The following DLGAP1 variants were observed in gnomAD, a reference collection of about 807,000 sequenced individuals.
The protein encoded by DLGAP1 is DLG associated protein 1.
A neutral mutation model predicts 90.8 loss-of-function variants in DLGAP1; 11 were observed. The ratio of observed to expected loss-of-function variants is 0.12; its 90% CI spans 0.08 to 0.20. The LOEUF (loss-of-function observed/expected upper bound fraction) is 0.20. Ranked by LOEUF, DLGAP1 falls within the 10% of genes least tolerant of loss-of-function variation. The pLI is 1.00. For missense variants in DLGAP1, 1,050 were observed against 1,333.8 expected (o/e 0.79, Z 3.31); for synonymous variants, 558 against 540.7 (o/e 1.03, Z -0.44).
At chr18:3,671,136 A>G (rs1490633891) in intron 7 of DLGAP1, among the ~76,000 whole-genome samples, 1 of 145,944 alleles carries the variant, frequency 6.9e-6, no homozygotes, top group Non-Finnish European at 1.5e-5. Context: ...TCTTTTAATT[A>G]CTCAAAATTT....
At chr18:3,762,655 T>C (rs1337854211) in intron 5 of DLGAP1, among the ~76,000 whole-genome samples, 1 of 152,216 alleles carries the variant, frequency 6.6e-6, no homozygotes, top group Non-Finnish European at 1.5e-5. Context: ...GCTCTATGTC[T>C]ATCTGAACTC....
At chr18:4,276,081 T>C (rs2079405829) in intron 1 of DLGAP1, among the ~76,000 whole-genome samples, 1 of 137,044 alleles carries the variant, frequency 7.3e-6, no homozygotes, top group African/African-American at 2.8e-5. Flanking sequence ...AAAGACCTTA[T>C]GGGCTGAATG....
intron 1 of DLGAP1, among the ~76,000 whole-genome samples, chr18:4,182,178 C>T (rs9959575): frequency 0.013 from 1,951 of 152,176 alleles, 34 homozygotes; most frequent in African/African-American, 0.044. Context: ...AACCAGAATA[C>T]GCTACACCCA....
intron 1 of DLGAP1, among the ~76,000 whole-genome samples, chr18:4,178,253 A>T (rs1348629512): frequency 7.3e-6 from 1 of 137,074 alleles, no homozygotes; most frequent in Non-Finnish European, 1.6e-5. Context: ...ACACACACAC[A>T]CATTAGAGAT....
At chr18:4,275,155 T>C (rs936279953) in intron 1 of DLGAP1, 1 of 152,210 alleles carries the variant, frequency 6.6e-6, no homozygotes, top group African/African-American at 2.4e-5. Context: ...ATACTTTTCA[T>C]TATTTCCATT....
chr18:3,907,819 C>T (rs1332280202), intron 3 of DLGAP1, among the ~76,000 whole-genome samples: 1 of 152,124 alleles, frequency 6.6e-6, no homozygotes. Flanking sequence ...CAGAGGCCAG[C>T]GAGGCCAGGC....
chr18:4,321,269 T>C (rs978122384), intron 1 of DLGAP1, among the ~76,000 whole-genome samples: 2 of 152,210 alleles, frequency 1.3e-5, no homozygotes, highest in African/African-American at 4.8e-5. Flanking sequence ...CAATCTGACT[T>C]AGCCATAAAA....
At chr18:3,951,623 T>C (rs1316433251) in intron 3 of DLGAP1, among the ~76,000 whole-genome samples, 10 of 152,194 alleles carry the variant, frequency 6.6e-5, no homozygotes, top group African/African-American at 2.2e-4. Context: ...TTTATCTAAA[T>C]CTCATCTTGA....
At chr18:3,870,447 C>G (rs1274150169) in intron 4 of DLGAP1, among the ~76,000 whole-genome samples, 1 of 152,142 alleles carries the variant, frequency 6.6e-6, no homozygotes, top group Non-Finnish European at 1.5e-5. Flanking sequence ...GGGGCAATAA[C>G]TAAGAGATTA....
chr18:4,230,120 G>T (rs1167083218), intron 1 of DLGAP1, among the ~76,000 whole-genome samples: 1 of 151,998 alleles, frequency 6.6e-6, no homozygotes, highest in Non-Finnish European at 1.5e-5. Context: ...TTATCTAAAA[G>T]ACAGACAATA....
chr18:3,673,069 T>C (rs1409647253), intron 7 of DLGAP1, among the ~76,000 whole-genome samples: 1 of 152,244 alleles, frequency 6.6e-6, no homozygotes, highest in Non-Finnish European at 1.5e-5. Context: ...AAGGTCTATC[T>C]TAGTCTAGAT....
chr18:3,927,648 T>C (rs1169792079), intron 3 of DLGAP1, among the ~76,000 whole-genome samples: 1 of 152,240 alleles, frequency 6.6e-6, no homozygotes, highest in Non-Finnish European at 1.5e-5. Context: ...CAGAAACCTA[T>C]ATCTGCTAGT....
At chr18:3,671,328 T>C (rs771830387) in intron 7 of DLGAP1, among the ~76,000 whole-genome samples, 3 of 152,168 alleles carry the variant, frequency 2.0e-5, no homozygotes, top group Non-Finnish European at 2.9e-5. Context: ...GTAGCAACTG[T>C]AAACATTTTA....
At chr18:4,002,394 C>T (rs142716801) in intron 3 of DLGAP1, among the ~76,000 whole-genome samples, 185 of 151,660 alleles carry the variant, frequency 1.2e-3, no homozygotes, top group African/African-American at 4.0e-3. Context: ...TGCCTCTCCC[C>T]GGCTGCTGCC....
At chr18:3,600,271 G>A (rs959399216) in intron 7 of DLGAP1, among the ~76,000 whole-genome samples, 1 of 151,734 alleles carries the variant, frequency 6.6e-6, no homozygotes, top group Non-Finnish European at 1.5e-5. Context: ...TTTTTTATGA[G>A]ACGGAGTTTC....
intron 1 of DLGAP1, among the ~76,000 whole-genome samples, chr18:4,323,122 C>T (rs769058243): frequency 4.2e-4 from 64 of 151,954 alleles, no homozygotes; most frequent in African/African-American, 1.9e-4. Context: ...GATTAAAAAG[C>T]GAGCAAAGGA....
At chr18:3,946,015 T>C (rs190655569) in intron 3 of DLGAP1, among the ~76,000 whole-genome samples, 3 of 152,340 alleles carry the variant, frequency 2.0e-5, no homozygotes, top group Non-Finnish European at 1.5e-5. Context: ...TGAATTTTAA[T>C]AATGCTTAAT....
intron 2 of DLGAP1, among the ~76,000 whole-genome samples, chr18:4,023,482 T>C (rs1250040498): frequency 6.6e-6 from 1 of 152,222 alleles, no homozygotes; most frequent in Non-Finnish European, 1.5e-5. Flanking sequence ...ATTCGCATTC[T>C]TGTACTTTCT....
intron 4 of DLGAP1, among the ~76,000 whole-genome samples, chr18:3,846,651 G>A (rs1389271936): frequency 6.6e-6 from 1 of 152,150 alleles, no homozygotes; most frequent in East Asian, 1.9e-4. Context: ...CTATAACATG[G>A]ATAAATCTTA....
Sources: gnomAD v4.1 joint callset for allele counts (sites outside exome capture counted in the v4.1 genomes callset) on GRCh38, gnomAD v4.1.1 for gene constraint, MANE v1.5 for transcripts, NCBI Gene and HGNC (gene_info 2026-07-23, HGNC 2026-07-21) for gene names.